Variants in DCHS2 observed in about 807,000 individuals in gnomAD.
DCHS2 encodes protocadherin-23.
DCHS2 carries 142 observed loss-of-function variants against 182.4 expected under a neutral mutation model. That is an observed-to-expected ratio of 0.78 (90% confidence interval 0.68 to 0.89). The LOEUF is 0.89. Ranked by LOEUF, DCHS2 falls within the 40% of genes least tolerant of loss-of-function variation. The pLI is 0.00. For synonymous variants in DCHS2, 1,740 were observed against 1,663.3 expected (o/e 1.05, Z -1.12); for missense variants, 4,319 against 4,198.6 (o/e 1.03, Z -0.79).
At chr4:154,343,458 G>A (rs930902875) in intron 3 of DCHS2, 1 of 1,429,618 alleles carries the variant, frequency 7.0e-7, no homozygotes. Flanking sequence ...CTATTGTTTA[G>A]TGTAACCACC....
Position 154,282,636 on chromosome 4 carries a change from A to C in DCHS2, c.6464-12623T>G, listed in dbSNP as rs1041474804. 2.0e-5 allele frequency among the ~76,000 whole-genome samples: 3 copies of C among 152,280 alleles called. No homozygotes were observed. In the East Asian group the frequency reaches 5.8e-4, roughly 29 times the overall value. On this transcript the variant is annotated intron_variant, in intron 13 of 19. Transcript: ENST00000357232. ...TACAGAGGTTCCTCAAAAAATTAAA[A>C]ATAGAATTACTTTATGATCCAGCAA...
chr4:154,433,168 G>A (rs1414763400), intron 1 of DCHS2, among the ~76,000 whole-genome samples: 1 of 152,110 alleles, frequency 6.6e-6, no homozygotes, highest in Non-Finnish European at 1.5e-5. Flanking sequence ...TTCAGTTACA[G>A]AACCAGAGAG....
chr4:154,356,576 G>A (rs1729881937), intron 3 of DCHS2, among the ~76,000 whole-genome samples: 1 of 152,104 alleles, frequency 6.6e-6, no homozygotes, highest in South Asian at 2.1e-4. Context: ...CTATACAGGT[G>A]TACCATTTTA....
intron 1 of DCHS2, among the ~76,000 whole-genome samples, chr4:154,466,593 G>C (rs765734626): frequency 2.6e-5 from 4 of 152,154 alleles, no homozygotes; most frequent in Non-Finnish European, 4.4e-5. Flanking sequence ...GGCATACCCA[G>C]CAAGACATGT....
intron 16 of DCHS2, among the ~76,000 whole-genome samples, chr4:154,243,866 G>A (rs2111113291): frequency 6.6e-6 from 1 of 152,100 alleles, no homozygotes; most frequent in Non-Finnish European, 1.5e-5. Flanking sequence ...CCTCTATATT[G>A]CGCTCAATTG....
At chr4:154,288,020 A>T (rs1367827525) in intron 13 of DCHS2, among the ~76,000 whole-genome samples, 1 of 152,146 alleles carries the variant, frequency 6.6e-6, no homozygotes, top group East Asian at 1.9e-4. Flanking sequence ...GGAAGAGAAG[A>T]CTCTAAGACA....
intron 13 of DCHS2, among the ~76,000 whole-genome samples, chr4:154,283,331 G>T (rs1040506154): frequency 6.6e-6 from 1 of 151,924 alleles, no homozygotes; most frequent in African/African-American, 2.4e-5. Context: ...TCCAAAATTT[G>T]TGGATAGGTG....
chr4:154,442,539 C>T (rs374216321), intron 1 of DCHS2, among the ~76,000 whole-genome samples: 1 of 80,784 alleles, frequency 1.2e-5, no homozygotes, highest in Non-Finnish European at 2.7e-5. Flanking sequence ...ACCCCCCCCC[C>T]CCCACACACA....
At chr4:154,428,583 G>A (rs1375615369) in intron 1 of DCHS2, among the ~76,000 whole-genome samples, 1 of 151,878 alleles carries the variant, frequency 6.6e-6, no homozygotes, top group Non-Finnish European at 1.5e-5. Flanking sequence ...TAACTGCTGA[G>A]GTTTGGTAAA....
At chr4:154,442,766 G>T (rs1161409018) in intron 1 of DCHS2, among the ~76,000 whole-genome samples, 1 of 151,964 alleles carries the variant, frequency 6.6e-6, no homozygotes. Flanking sequence ...ATTATCTACT[G>T]TATTCCTGAG....
rs778653342 is a variant in DCHS2, at chr4:154,235,070, C to G, written c.9582G>C (p.Glu3194Asp). The change falls in exon 20 of 20, where the codon GAG becomes GAC. Residue 3194 changes from glutamate to aspartate, a missense_variant. Physicochemically the swap from Glu to Asp is conservative, Grantham distance 45. Coordinates refer to ENST00000357232, the MANE Select transcript of DCHS2 (RefSeq NM_001358235.2). ...CTTTTCTAACGTCAGCCAGGATGCT[C>G]TCTTTTGCCTCTCTCTTCTGAACTG... ...PQTVQKREAKESILADVRKES... is the reference protein window; with the variant it reads ...PQTVQKREAKDSILADVRKES... 2 of 1,613,956 alleles carry G rather than the reference C, an allele frequency of 1.2e-6. No individual in the cohort carries two copies.
intron 13 of DCHS2, among the ~76,000 whole-genome samples, chr4:154,290,627 A>T (rs966164784): frequency 2.0e-5 from 3 of 152,150 alleles, no homozygotes; most frequent in African/African-American, 7.2e-5. Context: ...ATCCAGAAAC[A>T]AATCCAGACA....
intron 1 of DCHS2, among the ~76,000 whole-genome samples, chr4:154,466,827 T>G (rs1276151511): frequency 6.6e-6 from 1 of 152,220 alleles, no homozygotes. Flanking sequence ...AGGTAGTGTA[T>G]TTATACTTCT....
intron 10 of DCHS2, among the ~76,000 whole-genome samples, chr4:154,307,905 C>T (rs1286600350): frequency 3.3e-5 from 5 of 152,126 alleles, no homozygotes; most frequent in Non-Finnish European, 7.4e-5. Flanking sequence ...CTCCCTCACC[C>T]TCTGCACCTG....
intron 1 of DCHS2, among the ~76,000 whole-genome samples, chr4:154,475,653 G>C (rs1168851864): frequency 6.6e-6 from 1 of 152,138 alleles, no homozygotes; most frequent in Non-Finnish European, 1.5e-5. Flanking sequence ...CCTTTATGTA[G>C]TAAATATTTC....
At chr4:154,431,000 A>G (rs1470394829) in intron 1 of DCHS2, among the ~76,000 whole-genome samples, 2 of 152,140 alleles carry the variant, frequency 1.3e-5, no homozygotes, top group East Asian at 3.9e-4. Flanking sequence ...CTGGTAGCTC[A>G]AGTCTCCTCA....
At position 154,236,856 on chromosome 4, in the gene DCHS2, T is replaced by G. The variant is rs375676340; in HGVS notation, c.7796A>C (p.His2599Pro). Residue 2599 changes from histidine (H) to proline (P), a missense_variant, in exon 20 of 20, where the codon CAT (histidine) becomes CCT (proline). Coordinates refer to ENST00000357232, the MANE Select transcript of DCHS2 (RefSeq NM_001358235.2). ...IISGNSQNNF[H>P]VETKFFHSEY... Reference sequence around the variant, plus strand: ...TGAATGAAAGAACTTAGTTTCCACATGAAAATTGTTCTGTGAATTACCACT... The same window carrying G: ...TGAATGAAAGAACTTAGTTTCCACAGGAAAATTGTTCTGTGAATTACCACT... 2 of 1,613,950 alleles carry G rather than the reference T, an allele frequency of 1.2e-6. No individual in the cohort carries two copies. The highest frequency in any genetic ancestry group is 1.7e-5 in the Admixed American group (1 of 59,994).
At chr4:154,356,717 G>A (rs1467445053) in intron 3 of DCHS2, among the ~76,000 whole-genome samples, 1 of 152,122 alleles carries the variant, frequency 6.6e-6, no homozygotes, top group Non-Finnish European at 1.5e-5. Flanking sequence ...AGGAGCAATA[G>A]GCTATACCAT....
At chr4:154,366,640 TAC>T (rs1305338367) in intron 2 of DCHS2, among the ~76,000 whole-genome samples, 199 bp from the exon 3 acceptor site, 6 of 151,726 alleles carry the variant, frequency 4.0e-5, no homozygotes, top group Non-Finnish European at 7.4e-5. Context: ...TGTGTATATA[TAC>T]ACACACACAC....
Sources: allele counts gnomAD v4.1 joint callset (sites outside exome capture counted in the v4.1 genomes callset), GRCh38; gene constraint gnomAD v4.1.1; transcripts MANE v1.5; gene names NCBI Gene and HGNC (gene_info 2026-07-23, HGNC 2026-07-21).